CC2D2B: variants seen among roughly 807,000 people sequenced by gnomAD.
CC2D2B encodes coiled-coil and C2 domain containing 2B.
A neutral mutation model predicts 161.2 loss-of-function variants in CC2D2B; 128 were observed. The observed-to-expected ratio is 0.79, with a 90% CI of 0.69 to 0.92. The LOEUF (loss-of-function observed/expected upper bound fraction) is 0.92. Ranked by LOEUF, CC2D2B falls within the 40% of genes least tolerant of loss-of-function variation. The pLI, the probability that CC2D2B is intolerant of heterozygous loss-of-function variation, is 0.00. For missense variants in CC2D2B, 1,173 were observed against 1,375.1 expected (o/e 0.85, Z 2.32); for synonymous variants, 391 against 449.8 (o/e 0.87, Z 1.65).
intron 17 of CC2D2B, among the ~76,000 whole-genome samples, chr10:95,980,414 TTTGTTGTTG>T (rs143673703): frequency 6.6e-6 from 1 of 151,876 alleles, no homozygotes; most frequent in Non-Finnish European, 1.5e-5. Context: ...TTCTTTGTTG[TTTGTTGTTG>T]TTGTTGTTGT....
chr10:96,002,691 T>C (rs1216154420), intron 24 of CC2D2B, among the ~76,000 whole-genome samples: 2 of 152,184 alleles, frequency 1.3e-5, no homozygotes, highest in East Asian at 1.9e-4. Context: ...CTAGGAAATA[T>C]AAGGAAACTT....
intron 32 of CC2D2B, chr10:96,020,526 A>G (rs2079405093): frequency 6.6e-6 from 1 of 152,266 alleles, no homozygotes; most frequent in Non-Finnish European, 1.5e-5. Context: ...CCATGTCAAC[A>G]GCTGTTTCTG....
intron 5 of CC2D2B, 64 bp downstream of exon 5, chr10:95,924,908 A>T (rs1468316239): frequency 2.0e-6 from 2 of 992,390 alleles, no homozygotes; most frequent in Non-Finnish European, 3.1e-6. Flanking sequence ...TTTACATAGC[A>T]AAACTTCACC....
At chr10:95,989,393 G>A (rs142415207) in intron 20 of CC2D2B, among the ~76,000 whole-genome samples, 6 of 152,300 alleles carry the variant, frequency 3.9e-5, no homozygotes, top group African/African-American at 9.6e-5. Flanking sequence ...AATGTGGACC[G>A]CTGTAGCTCT....
intron 25 of CC2D2B, 75 bp from the exon 26 acceptor site, chr10:96,009,750 T>C: frequency 1.8e-6 from 1 of 541,784 alleles, no homozygotes; most frequent in Non-Finnish European, 3.1e-6. Flanking sequence ...TGACTTTTTA[T>C]ATTTACCTGT....
intron 5 of CC2D2B, among the ~76,000 whole-genome samples, chr10:95,926,136 A>G (rs148516051): frequency 3.2e-4 from 49 of 152,202 alleles, no homozygotes; most frequent in African/African-American, 1.1e-3. Context: ...CATGTTATTC[A>G]CTCAACACAT....
At chr10:95,992,824 A>G in intron 22 of CC2D2B, 127 bp downstream of exon 22, 2 of 604,138 alleles carry the variant, frequency 3.3e-6, no homozygotes, top group Non-Finnish European at 4.8e-6. Flanking sequence ...ATGAATGAAA[A>G]TTGAAATCTT....
intron 32 of CC2D2B, among the ~76,000 whole-genome samples, chr10:96,023,299 C>T (rs2079550872): frequency 6.6e-6 from 1 of 152,228 alleles, no homozygotes; most frequent in South Asian, 2.1e-4. Context: ...TTGCCACATA[C>T]ATCCCAGAAT....
chr10:95,981,744 G>A (rs540539287), intron 17 of CC2D2B, among the ~76,000 whole-genome samples: 1 of 152,184 alleles, frequency 6.6e-6, no homozygotes, highest in South Asian at 2.1e-4. Context: ...TCTTAATAAG[G>A]TTATTGTCTC....
chr10:95,911,096 C>T (rs2098505582), intron 1 of CC2D2B, among the ~76,000 whole-genome samples: 1 of 152,098 alleles, frequency 6.6e-6, no homozygotes, highest in Non-Finnish European at 1.5e-5. Context: ...TTACTTCCTT[C>T]TTTTGCACAT....
In CC2D2B at chr10:95,938,638, A is replaced by T; in HGVS notation, c.605A>T (p.Gln202Leu). The T allele has an allele frequency of 1.4e-6, 1 of 714,598 alleles. No individual in the cohort carries two copies. 44.3% of individuals were successfully genotyped at this position (714,598 alleles called of 1,614,324 possible). A position where few individuals can be genotyped will look rare whatever the true frequency, so the allele number is the denominator to read the frequency against. Residue 202 changes from glutamine to leucine, a missense_variant, in exon 8 of 35, where the codon CAG (glutamine) becomes CTG (leucine). Gln to Leu is a moderately radical substitution (Grantham distance 113). Transcript: ENST00000646931. ...CTAGAAGATGAAGGATTCTATATTC[A>T]GAGAAAGCCAGAAATATACAAAAAG... Reference protein sequence around the residue: ...RILEDEGFYIQRKPEIYKKTC... With the variant: ...RILEDEGFYILRKPEIYKKTC...
In CC2D2B at chr10:96,019,343, T is replaced by C; in HGVS notation, c.3765+6T>C. 2 of 1,600,880 alleles carry C rather than the reference T, an allele frequency of 1.2e-6. No individual in the cohort carries two copies. The highest frequency in any genetic ancestry group is 1.1e-5 in the South Asian group (1 of 88,432). ...GTTTGTTTGATGATAGAAATGTAAG[T>C]ATATGGGGAAAAAAAATCTTGAGTT... On this transcript the variant is annotated splice_donor_region_variant and intron_variant, in intron 31 of 34. Transcript: ENST00000646931.
intron 21 of CC2D2B, among the ~76,000 whole-genome samples, 168 bp downstream of exon 21, chr10:95,991,629 C>T (rs1413452181): frequency 1.3e-5 from 2 of 151,880 alleles, no homozygotes; most frequent in Non-Finnish European, 2.9e-5. Flanking sequence ...TTTAAAGTTG[C>T]ATTTTGGGAT....
chr10:96,015,632 C>T (rs2079165873), intron 29 of CC2D2B, among the ~76,000 whole-genome samples: 1 of 152,120 alleles, frequency 6.6e-6, no homozygotes, highest in Non-Finnish European at 1.5e-5. Context: ...TGCTATATTG[C>T]TGTGCTTTAC....
chr10:95,989,390 A>G (rs1431574513), intron 20 of CC2D2B, among the ~76,000 whole-genome samples: 1 of 152,192 alleles, frequency 6.6e-6, no homozygotes, highest in African/African-American at 2.4e-5. Flanking sequence ...TGGAATGTGG[A>G]CCGCTGTAGC....
intron 22 of CC2D2B, among the ~76,000 whole-genome samples, chr10:95,993,900 ATG>A (rs1270650458): frequency 0.16 from 6,203 of 39,610 alleles, 416 homozygotes; most frequent in Middle Eastern, 0.2. Flanking sequence ...GAGAGAGAGA[ATG>A]TGTGTGTGTG....
chr10:95,996,462 AAAGT>A (rs1431547528), intron 24 of CC2D2B, among the ~76,000 whole-genome samples: 2 of 152,220 alleles, frequency 1.3e-5, no homozygotes, highest in Non-Finnish European at 2.9e-5. Context: ...GTTCTAAAGA[AAAGT>A]AATAAAATGA....
At chr10:95,925,679 CT>C (rs1001763449) in intron 5 of CC2D2B, among the ~76,000 whole-genome samples, 5 of 152,112 alleles carry the variant, frequency 3.3e-5, no homozygotes, top group African/African-American at 1.2e-4. Flanking sequence ...TAGAAGTTTC[CT>C]TTTTCTCTAA....
chr10:95,914,317 G>T (rs941154456), intron 2 of CC2D2B, among the ~76,000 whole-genome samples: 12 of 152,062 alleles, frequency 7.9e-5, no homozygotes, highest in African/African-American at 2.9e-4. Context: ...CCATTGATGT[G>T]TATGTGTGTG....
Sources: allele counts gnomAD v4.1 joint callset (sites outside exome capture counted in the v4.1 genomes callset), GRCh38; gene constraint gnomAD v4.1.1; transcripts MANE v1.5; gene names NCBI Gene and HGNC (gene_info 2026-07-23, HGNC 2026-07-21).